Variants in ERBB4 observed in about 807,000 individuals in gnomAD.
ERBB4 encodes receptor tyrosine-protein kinase erbB-4.
ERBB4 carries 42 observed loss-of-function variants against 158.0 expected under a neutral mutation model. The ratio of observed to expected loss-of-function variants is 0.27; its 90% CI spans 0.21 to 0.34. The LOEUF is 0.34. Among genes scored for constraint, ERBB4 ranks in the 10% least tolerant of loss-of-function variants. The probability of loss-of-function intolerance (pLI) is 1.00; values close to 1 mark genes in which losing one functional copy is unlikely to be tolerated. For missense variants in ERBB4, 1,333 were observed against 1,624.1 expected, an observed-to-expected ratio of 0.82 and a Z score of 3.08; for synonymous variants, 583 against 558.7, an observed-to-expected ratio of 1.04 and a Z score of -0.61.
At chr2:211,962,002 A>C (rs191680770) in intron 2 of ERBB4, among the ~76,000 whole-genome samples, 1 of 152,194 alleles carries the variant, frequency 6.6e-6, no homozygotes, top group East Asian at 1.9e-4. Flanking sequence ...TTTTGGGGAG[A>C]AAAGCATTTG....
At chr2:211,743,397 C>G (rs1348870366) in intron 5 of ERBB4, among the ~76,000 whole-genome samples, 1 of 151,988 alleles carries the variant, frequency 6.6e-6, no homozygotes, top group African/African-American at 2.4e-5. Context: ...AAAAGGAATG[C>G]GTAAAATGAA....
intron 20 of ERBB4, among the ~76,000 whole-genome samples, chr2:211,518,286 G>A (rs1239627145): frequency 6.6e-6 from 1 of 151,966 alleles, no homozygotes; most frequent in Non-Finnish European, 1.5e-5. Flanking sequence ...AGCTCAGTAA[G>A]TGTTAGCTAT....
At chr2:211,458,208 G>A (rs1019604205) in intron 20 of ERBB4, among the ~76,000 whole-genome samples, 1 of 151,332 alleles carries the variant, frequency 6.6e-6, no homozygotes, top group East Asian at 2.0e-4. Flanking sequence ...CAACCTGGAA[G>A]AGAGGGGAGC....
chr2:212,187,496 A>G (rs962668635), intron 1 of ERBB4, among the ~76,000 whole-genome samples: 2 of 151,896 alleles, frequency 1.3e-5, no homozygotes, highest in Admixed American at 6.6e-5. Flanking sequence ...ATTGACATGT[A>G]TTGACAATAC....
intron 5 of ERBB4, among the ~76,000 whole-genome samples, chr2:211,738,684 T>C (rs1434690881): frequency 6.6e-6 from 1 of 151,544 alleles, no homozygotes; most frequent in Non-Finnish European, 1.5e-5. Context: ...CTTTTTTTTT[T>C]TGAGATGGAG....
intron 2 of ERBB4, among the ~76,000 whole-genome samples, chr2:212,103,109 C>A: frequency 6.6e-6 from 1 of 152,088 alleles, no homozygotes; most frequent in East Asian, 1.9e-4. Flanking sequence ...ACTTCTTTCT[C>A]TTCCAGAAGC....
intron 15 of ERBB4, among the ~76,000 whole-genome samples, chr2:211,664,928 GACA>G (rs1480310719): frequency 6.6e-6 from 1 of 152,076 alleles, no homozygotes; most frequent in Admixed American, 6.5e-5. Context: ...AGCTTATTGT[GACA>G]ACAAAGAAAC....
chr2:212,244,476 G>T (rs1478027259), intron 1 of ERBB4, among the ~76,000 whole-genome samples: 2 of 152,098 alleles, frequency 1.3e-5, no homozygotes, highest in Admixed American at 1.3e-4. Context: ...TAAAAAGTTG[G>T]GGAATGGGCA....
At chr2:212,108,435 A>G (rs2079296045) in intron 2 of ERBB4, among the ~76,000 whole-genome samples, 1 of 152,200 alleles carries the variant, frequency 6.6e-6, no homozygotes, top group South Asian at 2.1e-4. Context: ...AGAGACTAAT[A>G]AGTGATAAGC....
intron 1 of ERBB4, among the ~76,000 whole-genome samples, chr2:212,301,920 A>C (rs1320352548): frequency 6.6e-6 from 1 of 151,476 alleles, no homozygotes; most frequent in Non-Finnish European, 1.5e-5. Context: ...AAGATAAAAG[A>C]CTTTCAAGAA....
At chr2:211,752,058 A>G (rs1454788371) in intron 4 of ERBB4, among the ~76,000 whole-genome samples, 1 of 152,206 alleles carries the variant, frequency 6.6e-6, no homozygotes, top group Non-Finnish European at 1.5e-5. Context: ...CTGTTTATTT[A>G]GAGCCAAACA....
chr2:212,151,323 G>C (rs2080861476), intron 1 of ERBB4, among the ~76,000 whole-genome samples: 1 of 150,748 alleles, frequency 6.6e-6, no homozygotes, highest in Non-Finnish European at 1.5e-5. Flanking sequence ...CAATATATAA[G>C]TGCTTTGTGT....
chr2:211,760,705 T>C (rs754108751), intron 4 of ERBB4, among the ~76,000 whole-genome samples: 6 of 152,202 alleles, frequency 3.9e-5, no homozygotes, highest in Non-Finnish European at 8.8e-5. Flanking sequence ...TGGACTTAAA[T>C]GTTTATCCTA....
At chr2:212,187,213 G>A (rs548277041) in intron 1 of ERBB4, among the ~76,000 whole-genome samples, 1 of 152,064 alleles carries the variant, frequency 6.6e-6, no homozygotes, top group East Asian at 1.9e-4. Context: ...TAAAACATTT[G>A]AGTACTATTA....
At chr2:211,738,667 C>T (rs1249294595) in intron 5 of ERBB4, among the ~76,000 whole-genome samples, 8 of 148,258 alleles carry the variant, frequency 5.4e-5, no homozygotes, top group African/African-American at 9.9e-5. Flanking sequence ...CCACCACGCC[C>T]GGCCCTCTTT....
At chr2:212,443,455 T>C (rs553738447) in intron 1 of ERBB4, among the ~76,000 whole-genome samples, 1 of 152,332 alleles carries the variant, frequency 6.6e-6, no homozygotes, top group South Asian at 2.1e-4. Context: ...ACATTCCTAC[T>C]AAGGTGAAGC....
chr2:211,592,387 G>C (rs2068500998), intron 19 of ERBB4, among the ~76,000 whole-genome samples: 1 of 152,182 alleles, frequency 6.6e-6, no homozygotes, highest in Non-Finnish European at 1.5e-5. Context: ...GTCAATTCAG[G>C]TGGAAACAAG....
At chr2:212,259,705 T>C (rs2084863876) in intron 1 of ERBB4, among the ~76,000 whole-genome samples, 1 of 152,226 alleles carries the variant, frequency 6.6e-6, no homozygotes, top group African/African-American at 2.4e-5. Context: ...GTAATACTAT[T>C]CCTCTATTTT....
chr2:211,417,574 TTCA>T (rs1243571034), intron 25 of ERBB4, among the ~76,000 whole-genome samples: 6 of 152,336 alleles, frequency 3.9e-5, no homozygotes, highest in African/African-American at 1.4e-4. Flanking sequence ...TAAATTTGTA[TTCA>T]TCAACTTTCT....
Sources: allele counts gnomAD v4.1 joint callset (sites outside exome capture counted in the v4.1 genomes callset), GRCh38; gene constraint gnomAD v4.1.1; transcripts MANE v1.5; gene names NCBI Gene and HGNC (gene_info 2026-07-23, HGNC 2026-07-21).